MARCHF11: variants seen among roughly 807,000 people sequenced by gnomAD.
The protein encoded by MARCHF11 is membrane associated ring-CH-type finger 11, also known as E3 ubiquitin-protein ligase MARCHF11.
A neutral mutation model predicts 37.3 loss-of-function variants in MARCHF11; 29 were observed. The ratio of observed to expected loss-of-function variants is 0.78; its 90% CI spans 0.58 to 1.06. MARCHF11 has a LOEUF of 1.06. MARCHF11 is among the 50% of genes least tolerant of loss of function. The pLI, the probability that MARCHF11 is intolerant of heterozygous loss-of-function variation, is 0.00. For synonymous variants in MARCHF11, 233 were observed against 228.0 expected, an observed-to-expected ratio of 1.02 and a Z score of -0.20; for missense variants, 482 against 533.4, an observed-to-expected ratio of 0.90 and a Z score of 0.95.
chr5:16,135,002 A>T (rs199574631), intron 2 of MARCHF11, among the ~76,000 whole-genome samples: 1,449 of 111,290 alleles, frequency 0.013, 14 homozygotes, highest in East Asian at 0.03. Flanking sequence ...TCTCTCTCAC[A>T]CACACACACA....
chr5:16,168,280 T>C (rs1356090351), intron 2 of MARCHF11, among the ~76,000 whole-genome samples: 5 of 152,052 alleles, frequency 3.3e-5, no homozygotes, highest in Non-Finnish European at 5.9e-5. Flanking sequence ...TCATCACCCA[T>C]CCTTATATGT....
At chr5:16,145,641 CAT>C (rs1160420560) in intron 2 of MARCHF11, among the ~76,000 whole-genome samples, 2 of 151,928 alleles carry the variant, frequency 1.3e-5, no homozygotes, top group South Asian at 2.1e-4. Context: ...TAATAGGACA[CAT>C]GTGTTGAAAA....
At chr5:16,166,976 TTA>T (rs1454839714) in intron 2 of MARCHF11, among the ~76,000 whole-genome samples, 12 of 3,826 alleles carry the variant, frequency 3.1e-3, no homozygotes, top group Admixed American at 8.6e-3. Flanking sequence ...GTTCATTTAC[TTA>T]TGAACATACA....
chr5:16,112,232 C>G (rs969684780), intron 2 of MARCHF11, among the ~76,000 whole-genome samples: 2 of 152,178 alleles, frequency 1.3e-5, no homozygotes, highest in South Asian at 2.1e-4. Context: ...AATCCACTGA[C>G]AGCTTGCACT....
At chr5:16,078,644 G>A (rs757915570) in intron 3 of MARCHF11, among the ~76,000 whole-genome samples, 21 of 152,186 alleles carry the variant, frequency 1.4e-4, no homozygotes, top group Non-Finnish European at 2.8e-4. Context: ...GTTCCCCAGA[G>A]GGGCAGGGTT....
rs1027783116 is a variant in MARCHF11, at chr5:16,163,724, G to A, written c.693+14002C>T. On this transcript the variant is annotated intron_variant, in intron 2 of 3. Coordinates refer to ENST00000332432, the MANE Select transcript of MARCHF11 (RefSeq NM_001102562.3). ...GCTTGTTATTAGAGTGCTATGATTT[G>A]AATGATGATGTCCCCTCTAAAATTT... 2.6e-5 allele frequency among the ~76,000 whole-genome samples: 4 copies of A among 152,166 alleles called. No homozygotes were observed. The East Asian group carries it at 7.8e-4, about 30-fold the overall frequency.
chr5:16,073,997 G>A (rs1736476859), intron 3 of MARCHF11, among the ~76,000 whole-genome samples: 1 of 152,066 alleles, frequency 6.6e-6, no homozygotes, highest in African/African-American at 2.4e-5. Flanking sequence ...CATATGATAG[G>A]CCACAGAACA....
At chr5:16,097,688 G>T (rs1206077301) in intron 2 of MARCHF11, among the ~76,000 whole-genome samples, 1 of 152,122 alleles carries the variant, frequency 6.6e-6, no homozygotes, top group Non-Finnish European at 1.5e-5. Flanking sequence ...AACGGAAGTT[G>T]TCATCAAAAG....
intron 2 of MARCHF11, among the ~76,000 whole-genome samples, chr5:16,138,368 G>A (rs141590251): frequency 2.8e-4 from 42 of 152,314 alleles, no homozygotes; most frequent in African/African-American, 6.7e-4. Flanking sequence ...TGTTGGGCCC[G>A]CAAGTGCTCA....
At chr5:16,080,178 C>T (rs569501007) in intron 3 of MARCHF11, among the ~76,000 whole-genome samples, 2 of 152,202 alleles carry the variant, frequency 1.3e-5, no homozygotes, top group East Asian at 1.9e-4. Flanking sequence ...ACTGCGGTCT[C>T]GCATCCATCC....
intron 3 of MARCHF11, among the ~76,000 whole-genome samples, chr5:16,073,568 T>C (rs1372178285): frequency 6.6e-6 from 1 of 150,436 alleles, no homozygotes; most frequent in African/African-American, 2.4e-5. Context: ...GTATATGAAC[T>C]ATATATAAAT....
chr5:16,095,800 C>T (rs931895628), intron 2 of MARCHF11, among the ~76,000 whole-genome samples: 3 of 152,120 alleles, frequency 2.0e-5, no homozygotes, highest in South Asian at 2.1e-4. Flanking sequence ...CCCAGATAGC[C>T]GTGTCCGTCC....
chr5:16,081,962 C>T (rs144480460), intron 3 of MARCHF11, among the ~76,000 whole-genome samples: 1 of 152,268 alleles, frequency 6.6e-6, no homozygotes, highest in East Asian at 1.9e-4. Flanking sequence ...AATGGTATCA[C>T]TCATAACCAA....
intron 2 of MARCHF11, among the ~76,000 whole-genome samples, chr5:16,137,190 G>C (rs1737623553): frequency 6.6e-6 from 1 of 152,210 alleles, no homozygotes; most frequent in Non-Finnish European, 1.5e-5. Flanking sequence ...TGGTTTGGCT[G>C]TGTCCCCAAC....
chr5:16,082,114 T>A (rs1358762152), intron 3 of MARCHF11, among the ~76,000 whole-genome samples: 2 of 152,228 alleles, frequency 1.3e-5, no homozygotes, highest in Non-Finnish European at 2.9e-5. Flanking sequence ...TTGTTTCTCC[T>A]CTGACAATTT....
At chr5:16,149,040 A>G (rs111468525) in intron 2 of MARCHF11, among the ~76,000 whole-genome samples, 3,791 of 152,256 alleles carry the variant, frequency 0.025, 120 homozygotes, top group African/African-American at 0.066. Flanking sequence ...CAATCTGTAG[A>G]GAGTTCCAAG....
At chr5:16,110,581 G>T (rs1197321322) in intron 2 of MARCHF11, among the ~76,000 whole-genome samples, 8 of 152,026 alleles carry the variant, frequency 5.3e-5, no homozygotes, top group African/African-American at 1.4e-4. Flanking sequence ...GAAATGATCT[G>T]GTCCAAACTC....
intron 2 of MARCHF11, among the ~76,000 whole-genome samples, chr5:16,166,128 G>GCAAC (rs1445445248): frequency 6.6e-6 from 1 of 152,020 alleles, no homozygotes; most frequent in Admixed American, 6.6e-5. Context: ...TTAGTCACTG[G>GCAAC]CGGTTCTTCC....
intron 2 of MARCHF11, among the ~76,000 whole-genome samples, chr5:16,126,550 A>G (rs1034799566): frequency 1.3e-5 from 2 of 152,238 alleles, no homozygotes; most frequent in Admixed American, 1.3e-4. Context: ...TATGCCCTGC[A>G]TAGACATTTT....
Sources: allele counts gnomAD v4.1 joint callset (sites outside exome capture counted in the v4.1 genomes callset), GRCh38; gene constraint gnomAD v4.1.1; transcripts MANE v1.5; gene names NCBI Gene and HGNC (gene_info 2026-07-23, HGNC 2026-07-21).